Variants in CSNK1G3 observed in about 807,000 individuals in gnomAD.
The protein encoded by CSNK1G3 is casein kinase 1 gamma 3.
CSNK1G3 carries 23 observed loss-of-function variants against 64.3 expected under a neutral mutation model. That is an observed-to-expected ratio of 0.36 (90% CI 0.26 to 0.51). The LOEUF is 0.51. Ranked by LOEUF, CSNK1G3 falls within the 20% of genes least tolerant of loss-of-function variation. The probability of loss-of-function intolerance (pLI) is 0.96; values close to 1 mark genes in which losing one functional copy is unlikely to be tolerated. For synonymous variants in CSNK1G3, 158 were observed against 162.2 expected, an observed-to-expected ratio of 0.97 and a Z score of 0.20; for missense variants, 357 against 510.5, an observed-to-expected ratio of 0.70 and a Z score of 2.90.
rs77886036 is a variant in CSNK1G3, at chr5:123,602,383, G to A, written c.1087-2341G>A. 3.3e-5 allele frequency among the ~76,000 whole-genome samples: 5 copies of A among 152,244 alleles called. No homozygotes were observed. In the East Asian group the frequency reaches 9.6e-4, roughly 29 times the overall value. ...AAAGTGTCAGATCTAGAAGGACAGGGATGTTTATCTTGCTTACTTTGGTAT... is the reference window on the plus strand; with the variant it reads ...AAAGTGTCAGATCTAGAAGGACAGGAATGTTTATCTTGCTTACTTTGGTAT... On this transcript the variant is annotated intron_variant, in intron 10 of 12. Coordinates refer to ENST00000345990, the Ensembl canonical transcript of CSNK1G3.
chr5:123,533,062 T>G (rs1329497404), intron 1 of CSNK1G3, among the ~76,000 whole-genome samples: 1 of 151,972 alleles, frequency 6.6e-6, no homozygotes, highest in Non-Finnish European at 1.5e-5. Context: ...CCCTTCTGTC[T>G]TTAAATTTTT....
intron 1 of CSNK1G3, among the ~76,000 whole-genome samples, chr5:123,537,378 T>C (rs554664523): frequency 1.5e-3 from 223 of 151,900 alleles, no homozygotes; most frequent in Non-Finnish European, 2.7e-3. Context: ...CTAAAAATGT[T>C]TATACATGGA....
intron 1 of CSNK1G3, among the ~76,000 whole-genome samples, chr5:123,533,904 T>C (rs1160919115): frequency 1.3e-5 from 2 of 151,998 alleles, no homozygotes; most frequent in Non-Finnish European, 2.9e-5. Flanking sequence ...TCAGTTTATA[T>C]TTGTGATTGA....
chr5:123,553,962 G>A (rs1375499564), intron 3 of CSNK1G3, among the ~76,000 whole-genome samples: 16 of 152,106 alleles, frequency 1.1e-4, no homozygotes, highest in African/African-American at 3.9e-4. Context: ...TGTGTATGAG[G>A]TTTAGCATGG....
At chr5:123,575,403 T>G (rs1253375437) in intron 5 of CSNK1G3, among the ~76,000 whole-genome samples, 1 of 152,222 alleles carries the variant, frequency 6.6e-6, no homozygotes, top group Non-Finnish European at 1.5e-5. Context: ...ACTTTTGGGT[T>G]CAAGGTCTTA....
exon 2 of CSNK1G3, chr5:123,545,713 G>A: frequency 1.9e-6 from 3 of 1,613,460 alleles, no homozygotes; most frequent in Admixed American, 1.7e-5. Context: ...AGAATGGCAC[G>A]ACCTAGTGGT....
intron 6 of CSNK1G3, among the ~76,000 whole-genome samples, chr5:123,585,173 G>C (rs938214025): frequency 6.6e-6 from 1 of 152,160 alleles, no homozygotes; most frequent in South Asian, 2.1e-4. Flanking sequence ...ATAGATGGCC[G>C]ATTGATTTTT....
At chr5:123,542,197 A>G (rs556530401) in intron 1 of CSNK1G3, among the ~76,000 whole-genome samples, 2 of 152,310 alleles carry the variant, frequency 1.3e-5, no homozygotes, top group South Asian at 4.1e-4. Context: ...AGAGCTAATT[A>G]ACATATGCAT....
At chr5:123,581,512 A>G (rs977013149) in intron 6 of CSNK1G3, among the ~76,000 whole-genome samples, 1 of 151,660 alleles carries the variant, frequency 6.6e-6, no homozygotes. Flanking sequence ...AATTATGTCT[A>G]AATTAAGAGA....
chr5:123,551,645 G>A (rs578234010), intron 2 of CSNK1G3, among the ~76,000 whole-genome samples: 72 of 152,118 alleles, frequency 4.7e-4, no homozygotes, highest in Admixed American at 1.4e-3. Flanking sequence ...CTGAAATTTT[G>A]CCTAGAAGTT....
chr5:123,606,973 T>G (rs1467149584), intron 12 of CSNK1G3, among the ~76,000 whole-genome samples: 1 of 152,168 alleles, frequency 6.6e-6, no homozygotes, highest in East Asian at 1.9e-4. Context: ...AGATAAAGAT[T>G]ACTTCCTGAC....
intron 3 of CSNK1G3, among the ~76,000 whole-genome samples, chr5:123,556,000 G>A (rs2150396083): frequency 6.6e-6 from 1 of 152,194 alleles, no homozygotes; most frequent in Middle Eastern, 3.4e-3. Flanking sequence ...CAATTTTACA[G>A]ATGAGGGAAC....
chr5:123,573,898 G>A (rs535153416), intron 5 of CSNK1G3, among the ~76,000 whole-genome samples: 76 of 150,040 alleles, frequency 5.1e-4, no homozygotes, highest in African/African-American at 1.7e-3. Context: ...TGTCCAGGGC[G>A]GAGAGCGGTG....
At chr5:123,577,542 ATATTTG>A (rs1173830394) in intron 6 of CSNK1G3, among the ~76,000 whole-genome samples, 1 of 140,444 alleles carries the variant, frequency 7.1e-6, no homozygotes, top group Non-Finnish European at 1.6e-5. Flanking sequence ...TCCCTTTTCC[ATATTTG>A]TATCTTTTTT....
intron 7 of CSNK1G3, 30 bp from the exon 8 acceptor site, chr5:123,588,397 C>A: frequency 6.5e-7 from 1 of 1,530,396 alleles, no homozygotes; most frequent in Non-Finnish European, 9.1e-7. Flanking sequence ...TAAATTACCA[C>A]ATTCTCAAGA....
chr5:123,563,461 G>A (rs1206958281), intron 4 of CSNK1G3, among the ~76,000 whole-genome samples: 1 of 151,940 alleles, frequency 6.6e-6, no homozygotes, highest in East Asian at 1.9e-4. Flanking sequence ...TTGTTAAAAA[G>A]TCTGGATTTA....
chr5:123,520,495 G>A (rs998283240), intron 1 of CSNK1G3, among the ~76,000 whole-genome samples: 3 of 148,094 alleles, frequency 2.0e-5, no homozygotes, highest in Admixed American at 6.7e-5. Context: ...TTTTTTTTGA[G>A]GGGGGTAGAA....
At position 123,588,411 on chromosome 5, in the gene CSNK1G3, T is replaced by G; in HGVS notation, c.760-16T>G. 1 of 1,589,876 alleles carries G rather than the reference T, an allele frequency of 6.3e-7. No individual in the cohort carries two copies. Among genetic ancestry groups the G allele is most frequent in the Non-Finnish European group, 8.6e-7 (1 of 1,158,248 alleles). ...TTAAATTACCACATTCTCAAGATTT[T>G]TTTTTTCTGTTTTAGGCTGACACAT... On this transcript the variant is annotated splice_polypyrimidine_tract_variant and intron_variant, in intron 7 of 12. Coordinates refer to ENST00000345990, the Ensembl canonical transcript of CSNK1G3.
chr5:123,606,842 A>G (rs531813657), intron 12 of CSNK1G3, among the ~76,000 whole-genome samples: 2 of 152,304 alleles, frequency 1.3e-5, no homozygotes, highest in African/African-American at 4.8e-5. Context: ...GACATACCTG[A>G]TGCTGTCCTT....
Sources: gnomAD v4.1 joint callset for allele counts (sites outside exome capture counted in the v4.1 genomes callset) on GRCh38, gnomAD v4.1.1 for gene constraint, MANE v1.5 for transcripts, NCBI Gene and HGNC (gene_info 2026-07-23, HGNC 2026-07-21) for gene names.